The following LTBP1 variants were observed in gnomAD, a reference collection of about 807,000 sequenced individuals.
The protein encoded by LTBP1 is latent-transforming growth factor beta-binding protein 1.
LTBP1 carries 129 observed loss-of-function variants against 207.6 expected under a neutral mutation model. The ratio of observed to expected loss-of-function variants is 0.62; its 90% CI spans 0.54 to 0.72. The LOEUF (loss-of-function observed/expected upper bound fraction) is 0.72. LTBP1 is among the 30% of genes least tolerant of loss of function. The pLI is 0.00. For missense variants in LTBP1, 2,281 were observed against 2,217.2 expected (o/e 1.03, Z -0.58); for synonymous variants, 963 against 833.7 (o/e 1.16, Z -2.67).
rs117974711 is a variant in LTBP1, at chr2:33,073,165, A to G, written c.864-37417A>G. 2.0e-5 allele frequency among the ~76,000 whole-genome samples: 3 copies of G among 152,346 alleles called. No homozygotes were observed. The East Asian group carries it at 5.8e-4, about 29-fold the overall frequency. On this transcript the variant is annotated intron_variant, in intron 3 of 33. Coordinates refer to ENST00000404816, the MANE Select transcript of LTBP1 (RefSeq NM_206943.4). ...TTTGAGGAGTGAATAGGAGATGAGA[A>G]GGTGCAGAGAGCTAGAAGGAAAGAA...
chr2:33,339,252 A>T (rs1317951282), intron 24 of LTBP1, among the ~76,000 whole-genome samples: 3 of 152,110 alleles, frequency 2.0e-5, no homozygotes, highest in African/African-American at 7.2e-5. Flanking sequence ...AGTGATAATA[A>T]ATTCGTTTAT....
chr2:33,240,675 G>A (rs1328299472), intron 9 of LTBP1, among the ~76,000 whole-genome samples: 1 of 140,130 alleles, frequency 7.1e-6, no homozygotes, highest in Non-Finnish European at 1.5e-5. Flanking sequence ...TTTTGAGACG[G>A]AGTCTTGCTC....
At chr2:33,070,560 A>G (rs1415252671) in intron 3 of LTBP1, among the ~76,000 whole-genome samples, 6 of 152,212 alleles carry the variant, frequency 3.9e-5, no homozygotes, top group Non-Finnish European at 2.9e-5. Flanking sequence ...TGCCAAGAGA[A>G]TGCCTAGACT....
At chr2:33,332,460 GA>G (rs998291869) in intron 24 of LTBP1, among the ~76,000 whole-genome samples, 7 of 143,326 alleles carry the variant, frequency 4.9e-5, no homozygotes, top group African/African-American at 7.7e-5. Context: ...GAAATATAAA[GA>G]AAAAAATCAT....
At chr2:33,040,462 A>AG (rs2076128030) in intron 3 of LTBP1, among the ~76,000 whole-genome samples, 1 of 152,234 alleles carries the variant, frequency 6.6e-6, no homozygotes, top group South Asian at 2.1e-4. Context: ...GCTTTGCAGC[A>AG]GGTGATCTGG....
intron 26 of LTBP1, among the ~76,000 whole-genome samples, chr2:33,352,120 CTATTTATT>C (rs1330104208): frequency 6.6e-6 from 1 of 151,842 alleles, no homozygotes; most frequent in Non-Finnish European, 1.5e-5. Flanking sequence ...CTCCTTGTGT[CTATTTATT>C]TATTTATTTA....
chr2:33,329,737 G>A (rs373069871), intron 24 of LTBP1, among the ~76,000 whole-genome samples: 2 of 151,886 alleles, frequency 1.3e-5, no homozygotes, highest in East Asian at 3.8e-4. Flanking sequence ...TTATTTAATA[G>A]GTTTATCTGT....
intron 24 of LTBP1, among the ~76,000 whole-genome samples, chr2:33,330,736 C>G (rs2094483055): frequency 6.8e-6 from 1 of 146,162 alleles, no homozygotes; most frequent in Non-Finnish European, 1.5e-5. Flanking sequence ...TAATACAGGT[C>G]TATAATACAG....
chr2:33,210,853 CT>C (rs1189807855), intron 7 of LTBP1, among the ~76,000 whole-genome samples: 1 of 152,188 alleles, frequency 6.6e-6, no homozygotes, highest in East Asian at 1.9e-4. Context: ...GAGTCACTTC[CT>C]TGTTTCAGTT....
Position 33,250,523 on chromosome 2 carries a change from T to C in LTBP1, c.2000-2154T>C, listed in dbSNP as rs2092653396. ...ACCAAGGGAGCCTGCTCAGCCAGGATTAGCTGGGAGCCTGGGGAGGCTCCC... is the reference window on the plus strand; with the variant it reads ...ACCAAGGGAGCCTGCTCAGCCAGGACTAGCTGGGAGCCTGGGGAGGCTCCC... On this transcript the variant is annotated intron_variant, in intron 10 of 33. Coordinates refer to ENST00000404816, the MANE Select transcript of LTBP1 (RefSeq NM_206943.4). 1.3e-5 allele frequency among the ~76,000 whole-genome samples: 2 copies of C among 151,972 alleles called. 1 individual carries two copies. The highest frequency in any genetic ancestry group is 4.2e-4 in the South Asian group (2 of 4,796).
intron 31 of LTBP1, among the ~76,000 whole-genome samples, chr2:33,371,481 G>A (rs766986871): frequency 3.3e-5 from 5 of 152,164 alleles, no homozygotes; most frequent in Non-Finnish European, 7.3e-5. Flanking sequence ...CAGGAAAAAC[G>A]AGCCATTGTA....
intron 20 of LTBP1, among the ~76,000 whole-genome samples, chr2:33,295,771 T>C (rs1054227413): frequency 6.6e-5 from 10 of 152,170 alleles, no homozygotes; most frequent in African/African-American, 2.4e-4. Context: ...CTTAAGTGTC[T>C]TGATGTAAGT....
intron 2 of LTBP1, among the ~76,000 whole-genome samples, chr2:32,973,907 C>T (rs1341686067): frequency 6.6e-6 from 1 of 152,120 alleles, no homozygotes; most frequent in African/African-American, 2.4e-5. Flanking sequence ...CAGTTCCATC[C>T]TTGTAGTTGC....
chr2:33,167,894 A>C lies in LTBP1; in HGVS notation c.1202-18962A>C, dbSNP rs1163177193. Among the ~76,000 whole-genome samples the C allele has an allele frequency of 5.3e-5, 8 of 152,236 alleles. No individual in the cohort carries two copies. In the East Asian group the frequency reaches 1.5e-3, roughly 29 times the overall value. ...ATTTCTTCCACTGGTGGTATAGAGA[A>C]TCTCTGAATTAGTTAAGCAGGAAAT... is the stretch of plus-strand genomic sequence containing the variant. On this transcript the variant is annotated intron_variant, in intron 5 of 33. Coordinates refer to ENST00000404816, the MANE Select transcript of LTBP1 (RefSeq NM_206943.4).
chr2:33,255,866 A>G (rs148992366), intron 11 of LTBP1, among the ~76,000 whole-genome samples: 1,612 of 152,280 alleles, frequency 0.011, 8 homozygotes, highest in Non-Finnish European at 0.016. Context: ...TTTATATTCA[A>G]TTTTAAAAGT....
chr2:33,074,145 T>C (rs1233633798), intron 3 of LTBP1, among the ~76,000 whole-genome samples: 1 of 152,232 alleles, frequency 6.6e-6, no homozygotes, highest in African/African-American at 2.4e-5. Flanking sequence ...TATATTTGGC[T>C]TCACAGAATT....
chr2:33,363,456 C>G lies in LTBP1; in HGVS notation c.4337C>G (p.Pro1446Arg). ...AATGGTTTCTGTTTGAACACTCGGCCTGGGTATGAATGCTACTGTAAGCAA... is the reference window on the plus strand; with the variant it reads ...AATGGTTTCTGTTTGAACACTCGGCGTGGGTATGAATGCTACTGTAAGCAA... ...CKNGFCLNTR[P>R]GYECYCKQGT... Residue 1446 changes from proline to arginine, a missense_variant, in exon 29 of 34, where the codon CCT becomes CGT. Pro to Arg is a moderately radical substitution (Grantham distance 103). Around this residue, in one of 3 missense-constraint regions of LTBP1, gnomAD observed 1,671 missense variants for 1,634.8 expected, o/e 1.02. Coordinates refer to ENST00000404816, the MANE Select transcript of LTBP1 (RefSeq NM_206943.4). 4 of 1,613,908 alleles carry G rather than the reference C, an allele frequency of 2.5e-6. No individual in the cohort carries two copies. The East Asian group carries it at 8.9e-5, about 36-fold the overall frequency.
At chr2:33,349,634 A>G (rs2094752772) in intron 26 of LTBP1, among the ~76,000 whole-genome samples, 1 of 152,166 alleles carries the variant, frequency 6.6e-6, no homozygotes. Context: ...TGAATGTAAA[A>G]TCCCTCTAAA....
intron 19 of LTBP1, among the ~76,000 whole-genome samples, chr2:33,281,618 C>T (rs2093561044): frequency 6.6e-6 from 1 of 152,172 alleles, no homozygotes; most frequent in Admixed American, 6.5e-5. Context: ...CACCAAACAG[C>T]ATCAGCTCAG....
Sources: gnomAD v4.1 joint callset for allele counts (sites outside exome capture counted in the v4.1 genomes callset) on GRCh38, gnomAD v4.1.1 for gene constraint, gnomAD v4.1.1 regional missense constraint, MANE v1.5 for transcripts, NCBI Gene and HGNC (gene_info 2026-07-23, HGNC 2026-07-21) for gene names.